NRXN1: variants seen among roughly 807,000 people sequenced by gnomAD.
NRXN1 encodes neurexin-1.
Under a neutral mutation model 150.9 loss-of-function variants are expected in NRXN1, and 39 were observed. That is an observed-to-expected ratio of 0.26 (90% confidence interval 0.20 to 0.34). The LOEUF (loss-of-function observed/expected upper bound fraction) is 0.34, where lower values mean the gene tolerates loss of function less well. NRXN1 is among the 10% of genes least tolerant of loss of function. NRXN1 has a pLI of 1.00. For synonymous variants in NRXN1, 924 were observed against 757.0 expected, an observed-to-expected ratio of 1.22 and a Z score of -3.62; for missense variants, 1,815 against 1,949.9, an observed-to-expected ratio of 0.93 and a Z score of 1.30.
chr2:50,939,915 T>C (rs1199920712), intron 2 of NRXN1, among the ~76,000 whole-genome samples: 5 of 152,178 alleles, frequency 3.3e-5, no homozygotes, highest in African/African-American at 1.2e-4. Flanking sequence ...CCACTGCATT[T>C]AGAATTATAT....
intron 5 of NRXN1, among the ~76,000 whole-genome samples, chr2:50,677,782 T>C (rs1388569931): frequency 1.3e-5 from 2 of 152,124 alleles, no homozygotes; most frequent in African/African-American, 2.4e-5. Context: ...GGTCAGTATT[T>C]GGAAAAGCAG....
intron 17 of NRXN1, among the ~76,000 whole-genome samples, chr2:50,352,864 T>C (rs1341995032): frequency 6.6e-6 from 1 of 151,542 alleles, no homozygotes; most frequent in Non-Finnish European, 1.5e-5. Context: ...ATTCAGATGA[T>C]AAACTTGTGT....
intron 5 of NRXN1, among the ~76,000 whole-genome samples, chr2:50,696,905 A>C (rs2104927607): frequency 6.6e-6 from 1 of 152,328 alleles, no homozygotes. Context: ...TCACAATGAA[A>C]GCCTGATACA....
At chr2:50,986,041 G>A (rs1023749010) in intron 2 of NRXN1, among the ~76,000 whole-genome samples, 2 of 151,564 alleles carry the variant, frequency 1.3e-5, no homozygotes, top group Non-Finnish European at 3.0e-5. Context: ...CATCTCCCCA[G>A]TAACTCTGTA....
At chr2:50,253,370 A>C (rs12713095) in intron 17 of NRXN1, among the ~76,000 whole-genome samples, 3 of 151,852 alleles carry the variant, frequency 2.0e-5, no homozygotes, top group African/African-American at 7.3e-5. Context: ...GAGACAGTTT[A>C]ACTTCCTTTC....
At chr2:50,881,938 C>T (rs138879470) in intron 5 of NRXN1, among the ~76,000 whole-genome samples, 2,168 of 151,362 alleles carry the variant, frequency 0.014, 144 homozygotes, top group Admixed American at 0.12. Context: ...TTTCTATAAA[C>T]GCAAAAATAG....
At chr2:50,173,143 C>G (rs533022516) in intron 18 of NRXN1, among the ~76,000 whole-genome samples, 1 of 152,250 alleles carries the variant, frequency 6.6e-6, no homozygotes, top group South Asian at 2.1e-4. Flanking sequence ...AGGACAAACT[C>G]TTGGGACTGT....
intron 19 of NRXN1, among the ~76,000 whole-genome samples, chr2:50,082,416 T>C (rs1286335464): frequency 6.6e-6 from 1 of 152,168 alleles, no homozygotes; most frequent in South Asian, 2.1e-4. Context: ...GACAAGAAGT[T>C]AAAGGGGGAA....
chr2:50,417,179 C>T (rs979746574), intron 17 of NRXN1: 1 of 152,014 alleles, frequency 6.6e-6, no homozygotes, highest in African/African-American at 2.4e-5. Context: ...AGCAGATGTC[C>T]AGTTGTATCT....
intron 12 of NRXN1, among the ~76,000 whole-genome samples, chr2:50,507,199 C>G (rs1385777971): frequency 6.6e-6 from 1 of 152,072 alleles, no homozygotes; most frequent in African/African-American, 2.4e-5. Context: ...TCAACACGTT[C>G]TTAGGTTCTT....
chr2:50,795,228 T>C (rs749894936), intron 5 of NRXN1, among the ~76,000 whole-genome samples: 1 of 152,072 alleles, frequency 6.6e-6, no homozygotes, highest in Non-Finnish European at 1.5e-5. Flanking sequence ...GTAAGTAGGT[T>C]TGGAGAGCCC....
At chr2:50,876,334 C>T (rs995452077) in intron 5 of NRXN1, among the ~76,000 whole-genome samples, 1 of 150,454 alleles carries the variant, frequency 6.6e-6, no homozygotes, top group Non-Finnish European at 1.5e-5. Flanking sequence ...AAAAATTCCA[C>T]TTAGGAAGTC....
At chr2:50,724,482 T>C (rs901766160) in intron 5 of NRXN1, among the ~76,000 whole-genome samples, 1 of 152,168 alleles carries the variant, frequency 6.6e-6, no homozygotes, top group Non-Finnish European at 1.5e-5. Context: ...ATTATTTTAG[T>C]TGTAGCTCTT....
chr2:50,365,435 G>C (rs1400677545), intron 17 of NRXN1, among the ~76,000 whole-genome samples: 1 of 152,004 alleles, frequency 6.6e-6, no homozygotes, highest in East Asian at 1.9e-4. Flanking sequence ...AAAATCATGA[G>C]TCTATTTTCA....
At chr2:50,332,689 A>G (rs1262644459) in intron 17 of NRXN1, among the ~76,000 whole-genome samples, 1 of 152,190 alleles carries the variant, frequency 6.6e-6, no homozygotes, top group Non-Finnish European at 1.5e-5. Flanking sequence ...CAATTTTCCA[A>G]TTGCTCTTTA....
chr2:50,468,729 G>A (rs2089172011), intron 16 of NRXN1, among the ~76,000 whole-genome samples: 2 of 151,282 alleles, frequency 1.3e-5, no homozygotes, highest in Non-Finnish European at 3.0e-5. Context: ...CCACTTACTA[G>A]GTGTGGGACT....
At chr2:50,239,674 ATATATATATATATATATATATATATAT>A (rs2065815229) in intron 17 of NRXN1, among the ~76,000 whole-genome samples, 1 of 37,388 alleles carries the variant, frequency 2.7e-5, no homozygotes, top group Non-Finnish European at 5.5e-5. Flanking sequence ...ATATATATAT[ATATATATATATATATATATATATATAT>A]ATATATATAT....
At chr2:50,447,787 C>A (rs940915169) in intron 17 of NRXN1, among the ~76,000 whole-genome samples, 1 of 81,760 alleles carries the variant, frequency 1.2e-5, no homozygotes, top group Non-Finnish European at 2.1e-5. Flanking sequence ...ATACCTAATT[C>A]CCTAAATGTA....
chr2:50,440,650 C>T (rs975159926), intron 17 of NRXN1, among the ~76,000 whole-genome samples: 4 of 151,972 alleles, frequency 2.6e-5, no homozygotes, highest in Non-Finnish European at 4.4e-5. Context: ...AGAACTCCTC[C>T]TTCCTCAGTT....
Sources: allele counts gnomAD v4.1 joint callset (sites outside exome capture counted in the v4.1 genomes callset), GRCh38; gene constraint gnomAD v4.1.1; transcripts MANE v1.5; gene names NCBI Gene and HGNC (gene_info 2026-07-23, HGNC 2026-07-21).